Variants in KCNT2 observed in about 807,000 individuals in gnomAD.
KCNT2 encodes potassium channel subfamily T member 2.
In KCNT2, 67 loss-of-function variants were observed where a neutral mutation model predicts 153.8. The ratio of observed to expected loss-of-function variants is 0.44; its 90% confidence interval spans 0.36 to 0.53. KCNT2 has a LOEUF of 0.53. Ranked by LOEUF, KCNT2 falls within the 20% of genes least tolerant of loss-of-function variation. The pLI is 0.00. For missense variants in KCNT2, 975 were observed against 1,354.8 expected (o/e 0.72, Z 4.40); for synonymous variants, 500 against 458.8 (o/e 1.09, Z -1.15).
intron 13 of KCNT2, among the ~76,000 whole-genome samples, chr1:196,386,423 C>A (rs7532690): frequency 1.4e-4 from 22 of 152,070 alleles, no homozygotes; most frequent in Non-Finnish European, 2.9e-4. Flanking sequence ...CTGAGTTAAC[C>A]TATAAGTAGT....
chr1:196,430,333 T>C (rs867036624), intron 8 of KCNT2, among the ~76,000 whole-genome samples: 2 of 151,960 alleles, frequency 1.3e-5, no homozygotes, highest in South Asian at 2.1e-4. Flanking sequence ...CCAACATGAA[T>C]GAACTAATGT....
intron 1 of KCNT2, among the ~76,000 whole-genome samples, chr1:196,526,023 G>C (rs989443150): frequency 3.6e-4 from 53 of 145,872 alleles, no homozygotes; most frequent in Non-Finnish European, 7.1e-4. Flanking sequence ...CTCTGTGTGT[G>C]TGTGTGTGTG....
At chr1:196,568,390 G>C (rs1424295680) in intron 1 of KCNT2, among the ~76,000 whole-genome samples, 1 of 151,892 alleles carries the variant, frequency 6.6e-6, no homozygotes, top group Non-Finnish European at 1.5e-5. Context: ...TAAGGAGATC[G>C]AGCCCATCCT....
chr1:196,422,929 C>A, intron 12 of KCNT2, 121 bp downstream of exon 12: 1 of 536,172 alleles, frequency 1.9e-6, no homozygotes, highest in Non-Finnish European at 3.3e-6. Context: ...ATATTTGTTT[C>A]CTTTTAGTAA....
chr1:196,545,973 C>T (rs2148884911), intron 1 of KCNT2, among the ~76,000 whole-genome samples: 1 of 152,102 alleles, frequency 6.6e-6, no homozygotes, highest in Non-Finnish European at 1.5e-5. Context: ...GGTAACACTG[C>T]TGTAAATATT....
At chr1:196,592,144 A>T (rs1663433188) in intron 1 of KCNT2, among the ~76,000 whole-genome samples, 1 of 152,176 alleles carries the variant, frequency 6.6e-6, no homozygotes, top group South Asian at 2.1e-4. Flanking sequence ...TGGATAAAGA[A>T]AATGTGGTAC....
chr1:196,281,761 T>C (rs1349580266), intron 24 of KCNT2, among the ~76,000 whole-genome samples: 1 of 134,262 alleles, frequency 7.4e-6, no homozygotes, highest in Non-Finnish European at 1.6e-5. Context: ...TCATTCAACA[T>C]TTTTTTTTTT....
intron 26 of KCNT2, among the ~76,000 whole-genome samples, chr1:196,255,080 G>A (rs973616032): frequency 1.3e-5 from 2 of 151,552 alleles, no homozygotes; most frequent in African/African-American, 4.8e-5. Context: ...CATTTTATGG[G>A]CTAATCATAA....
chr1:196,580,399 T>C (rs968572449), intron 1 of KCNT2, among the ~76,000 whole-genome samples: 12 of 152,218 alleles, frequency 7.9e-5, no homozygotes, highest in African/African-American at 2.2e-4. Flanking sequence ...GAGTGTTTCT[T>C]TCCACAGCAT....
At position 196,573,811 on chromosome 1, in the gene KCNT2, A is replaced by G. The variant is rs190715584; in HGVS notation, c.95+34404T>C. 2.3e-3 allele frequency among the ~76,000 whole-genome samples: 343 copies of G among 152,068 alleles called. 2 individuals carry two copies. Among genetic ancestry groups the G allele is most frequent in the African/African-American group, 7.9e-3 (330 of 41,554 alleles). On this transcript the variant is annotated intron_variant, in intron 1 of 27. Transcript: ENST00000294725. ...AAGAGATATAAAATGTTTTTTCCAC[A>G]TGGCAGTTATTTTATGTTTTTTTAA...
chr1:196,230,005 C>A (rs1653810280), intron 27 of KCNT2, among the ~76,000 whole-genome samples: 1 of 151,944 alleles, frequency 6.6e-6, no homozygotes, highest in South Asian at 2.1e-4. Context: ...GAAGCTACAG[C>A]AAGTTATCAA....
chr1:196,457,873 G>A (rs1676815767), intron 8 of KCNT2, among the ~76,000 whole-genome samples: 1 of 151,828 alleles, frequency 6.6e-6, no homozygotes. Flanking sequence ...GTTAAGTCAT[G>A]GCCTCAAAAT....
chr1:196,350,590 A>T (rs1415325767), intron 14 of KCNT2, among the ~76,000 whole-genome samples: 2 of 152,092 alleles, frequency 1.3e-5, no homozygotes, highest in Admixed American at 6.6e-5. Flanking sequence ...TTCATTGTAG[A>T]TTCTGGATAT....
intron 12 of KCNT2, among the ~76,000 whole-genome samples, chr1:196,408,153 A>G (rs1048470785): frequency 1.3e-5 from 2 of 151,664 alleles, no homozygotes; most frequent in Admixed American, 6.6e-5. Flanking sequence ...AGAAAAATCA[A>G]CTTCCACAAG....
At chr1:196,605,298 G>A (rs533723378) in intron 1 of KCNT2, among the ~76,000 whole-genome samples, 38 of 152,254 alleles carry the variant, frequency 2.5e-4, no homozygotes, top group African/African-American at 7.0e-4. Context: ...TACCAGTAGG[G>A]GAGAAGAGAG....
Position 196,285,672 on chromosome 1 carries a change from G to A in KCNT2, c.2682C>T (p.Asp894=), listed in dbSNP as rs752158731. 3.9e-5 allele frequency: 63 copies of A among 1,606,978 alleles called. No homozygotes were observed. The Middle Eastern group carries it at 8.3e-4, about 21-fold the overall frequency. Residue 894 remains aspartate (D), a synonymous_variant, in exon 23 of 28, where the codon GAC becomes GAT. Coordinates refer to ENST00000294725, the MANE Select transcript of KCNT2 (RefSeq NM_198503.5). The stretch of plus-strand genomic sequence containing the variant: ...TATTGTATACCTGATACAGCAGAGT[G>A]TCCAACATACTGATGCTAAACACCC... The part of the protein sequence containing the change: ...AGRVFSISML[D]TLLYQSFVKD...
chr1:196,511,116 A>AACACACAC lies in KCNT2; in HGVS notation c.96-18783_96-18776dup, dbSNP rs35177032. Among the ~76,000 whole-genome samples the AACACACAC allele has an allele frequency of 7.5e-3, 1,093 of 146,538 alleles. 7 individuals carry two copies. Among genetic ancestry groups the AACACACAC allele is most frequent in the African/African-American group, 0.016 (642 of 39,298 alleles). On this transcript the variant is annotated intron_variant, in intron 1 of 27. Transcript: ENST00000294725. ...TTATTACACATACGTAAACACACAC[A>AACACACAC]ACACACACACACACACACACACACA...
At chr1:196,513,385 AG>A (rs767633785) in intron 1 of KCNT2, among the ~76,000 whole-genome samples, 2 of 152,228 alleles carry the variant, frequency 1.3e-5, no homozygotes, top group Non-Finnish European at 2.9e-5. Flanking sequence ...ATCTATGCTG[AG>A]AAACAGAAAC....
At position 196,576,106 on chromosome 1, in the gene KCNT2, G is replaced by GTA. The variant is rs879771206; in HGVS notation, c.95+32108_95+32109insTA. 2.8e-4 allele frequency among the ~76,000 whole-genome samples: 42 copies of GTA among 150,282 alleles called. No homozygotes were observed. The East Asian group carries it at 3.4e-3, about 12-fold the overall frequency. ...TATATATATATGTGTGTGTGTGTGT[G>GTA]TGTATATATATATCCTTAAAGAATC... is the stretch of plus-strand genomic sequence containing the variant. On this transcript the variant is annotated intron_variant, in intron 1 of 27. Transcript: ENST00000294725.
Sources: gnomAD v4.1 joint callset for allele counts (sites outside exome capture counted in the v4.1 genomes callset) on GRCh38, gnomAD v4.1.1 for gene constraint, MANE v1.5 for transcripts, NCBI Gene and HGNC (gene_info 2026-07-23, HGNC 2026-07-21) for gene names.